The following DENND1B variants were observed in gnomAD, a reference collection of about 807,000 sequenced individuals.
DENND1B encodes DENN domain-containing protein 1B.
In DENND1B, 59 loss-of-function variants were observed where a neutral mutation model predicts 90.1. That is an observed-to-expected ratio of 0.65 (90% CI 0.53 to 0.81). The LOEUF is 0.81. Among genes scored for constraint, DENND1B ranks in the 40% least tolerant of loss-of-function variants. The pLI is 0.00. For synonymous variants in DENND1B, 337 were observed against 324.6 expected (o/e 1.04, Z -0.41); for missense variants, 862 against 912.6 (o/e 0.94, Z 0.71).
intron 2 of DENND1B, among the ~76,000 whole-genome samples, chr1:197,755,939 C>A (rs1326622503): frequency 7.9e-5 from 12 of 152,212 alleles, no homozygotes; most frequent in East Asian, 1.9e-4. Flanking sequence ...ATTATGGGAG[C>A]AACAAGATGA....
chr1:197,559,192 A>T (rs1446350469), intron 15 of DENND1B, among the ~76,000 whole-genome samples: 1 of 151,978 alleles, frequency 6.6e-6, no homozygotes, highest in Non-Finnish European at 1.5e-5. Flanking sequence ...TTAGTGGTCT[A>T]GACACATGTT....
At chr1:197,779,090 G>A (rs541943322), upstream of DENND1B, among the ~76,000 whole-genome samples, 13 of 152,180 alleles carry the variant, frequency 8.5e-5, 1 homozygote, top group South Asian at 2.5e-3. Flanking sequence ...TTTCATTTTA[G>A]ATCTTCTGTG....
intron 3 of DENND1B, chr1:197,688,876 TA>T (rs901810971): frequency 4.7e-6 from 1 of 214,146 alleles, no homozygotes; most frequent in South Asian, 8.5e-5. Context: ...AAAGAACCAT[TA>T]AAAAATGTGA....
At chr1:197,545,276 G>A (rs1411665802) in intron 18 of DENND1B, among the ~76,000 whole-genome samples, 4 of 151,984 alleles carry the variant, frequency 2.6e-5, no homozygotes, top group African/African-American at 9.7e-5. Flanking sequence ...ATGGTGGTGG[G>A]TGCCTGTAAT....
At chr1:197,768,901 C>A (rs1656060566) in intron 2 of DENND1B, among the ~76,000 whole-genome samples, 1 of 151,730 alleles carries the variant, frequency 6.6e-6, no homozygotes, top group Non-Finnish European at 1.5e-5. Context: ...TGAAACAAGT[C>A]CAAATAGCAG....
At chr1:197,560,459 G>A (rs1276373417) in intron 15 of DENND1B, among the ~76,000 whole-genome samples, 3 of 151,922 alleles carry the variant, frequency 2.0e-5, no homozygotes, top group Non-Finnish European at 4.4e-5. Flanking sequence ...CCTAAGGGAA[G>A]TTAGGAAATC....
chr1:197,553,492 G>A (rs1220222360), intron 15 of DENND1B, among the ~76,000 whole-genome samples: 2 of 152,078 alleles, frequency 1.3e-5, no homozygotes, highest in African/African-American at 4.8e-5. Flanking sequence ...ATTTACCCAT[G>A]GGGCTCTGTC....
rs550476536 is a variant in DENND1B at position 197,714,975 on chromosome 1, A to G, written c.126+56T>C. 3.2e-4 allele frequency: 407 copies of G among 1,286,706 alleles called. No individual in the cohort carries two copies. In the African/African-American group the frequency reaches 4.8e-3, roughly 15 times the overall value. 79.7% of individuals were successfully genotyped at this position (1,286,706 alleles called of 1,614,324 possible). A position where few individuals can be genotyped will look rare whatever the true frequency, so the allele number is the denominator to read the frequency against. Reference sequence around the variant, plus strand: ...TACTAGCAACAGCAGCAGTAATAGTAGCAACAATCATAATACTTCAACTTT... The same window carrying G: ...TACTAGCAACAGCAGCAGTAATAGTGGCAACAATCATAATACTTCAACTTT... On this transcript the variant is annotated intron_variant, in intron 3 of 22. Coordinates refer to ENST00000620048, the MANE Select transcript of DENND1B (RefSeq NM_001195215.2).
intron 2 of DENND1B, among the ~76,000 whole-genome samples, chr1:197,741,576 CA>C (rs1663217143): frequency 6.6e-6 from 1 of 152,038 alleles, no homozygotes; most frequent in African/African-American, 2.4e-5. Context: ...TAAAGTAACA[CA>C]AAAACATACC....
intron 3 of DENND1B, among the ~76,000 whole-genome samples, chr1:197,700,558 G>T (rs549241633): frequency 6.6e-6 from 1 of 152,214 alleles, no homozygotes; most frequent in African/African-American, 2.4e-5. Flanking sequence ...CATGGGCAAA[G>T]ACTTCATGAC....
intron 15 of DENND1B, among the ~76,000 whole-genome samples, chr1:197,559,298 T>C (rs866059644): frequency 6.3e-4 from 96 of 152,102 alleles, no homozygotes; most frequent in African/African-American, 2.2e-3. Context: ...TGATCTTTTT[T>C]AAATCCTTAT....
At chr1:197,755,162 A>G (rs532267601) in intron 2 of DENND1B, among the ~76,000 whole-genome samples, 56 of 152,296 alleles carry the variant, frequency 3.7e-4, no homozygotes, top group African/African-American at 1.3e-3. Flanking sequence ...GGTTTACTGG[A>G]AAAAGTGTGG....
At chr1:197,651,760 A>G (rs1382661911) in intron 7 of DENND1B, among the ~76,000 whole-genome samples, 2 of 136,872 alleles carry the variant, frequency 1.5e-5, no homozygotes, top group Non-Finnish European at 3.0e-5. Context: ...GGTTCACGCC[A>G]TTCTCCTGCC....
intron 2 of DENND1B, among the ~76,000 whole-genome samples, chr1:197,745,990 A>C (rs1663706993): frequency 6.6e-6 from 1 of 152,220 alleles, no homozygotes; most frequent in African/African-American, 2.4e-5. Flanking sequence ...GTCATTTGTA[A>C]AGACAGTGTC....
chr1:197,686,131 G>A (rs926298997), intron 3 of DENND1B, among the ~76,000 whole-genome samples: 1 of 152,070 alleles, frequency 6.6e-6, no homozygotes, highest in African/African-American at 2.4e-5. Context: ...AATTTCCTAA[G>A]TCTCTTACAG....
chr1:197,618,960 T>C (rs1036108503), intron 10 of DENND1B, among the ~76,000 whole-genome samples: 3 of 151,228 alleles, frequency 2.0e-5, no homozygotes, highest in Non-Finnish European at 4.4e-5. Flanking sequence ...ATCCATTACA[T>C]AAAGTAAATT....
Position 197,509,371 on chromosome 1 carries a change from T to C in DENND1B, c.*1089A>G, listed in dbSNP as rs139655396. On this transcript the variant is annotated 3_prime_UTR_variant, in exon 23 of 23. Coordinates refer to ENST00000620048, the MANE Select transcript of DENND1B (RefSeq NM_001195215.2). Reference sequence around the variant, plus strand: ...TGGTATTCTGAATAGGATCTTGATGTGGAAAATGGATATTAGGAGAAAACT... The same window carrying C: ...TGGTATTCTGAATAGGATCTTGATGCGGAAAATGGATATTAGGAGAAAACT... The C allele has an allele frequency of 6.6e-6, 1 of 151,828 alleles. No homozygotes were observed. Among genetic ancestry groups the C allele is most frequent in the East Asian group, 2.0e-4 (1 of 5,128 alleles). 9.4% of individuals were successfully genotyped at this position (151,828 alleles called of 1,614,324 possible).
Position 197,624,044 on chromosome 1 carries a change from C to A in DENND1B, c.673-6285G>T, listed in dbSNP as rs533645163. Reference sequence around the variant, plus strand: ...ATTACAATCCCAATCAAAATCCCAGCAAGTTTTCTTGTGGAAAACAAGAAG... The same window carrying A: ...ATTACAATCCCAATCAAAATCCCAGAAAGTTTTCTTGTGGAAAACAAGAAG... On this transcript the variant is annotated intron_variant, in intron 10 of 22. Coordinates refer to ENST00000620048, the MANE Select transcript of DENND1B (RefSeq NM_001195215.2). 4.6e-5 allele frequency among the ~76,000 whole-genome samples: 7 copies of A among 151,600 alleles called. No homozygotes were observed. The South Asian group carries it at 8.3e-4, about 18-fold the overall frequency.
chr1:197,572,820 G>A (rs1428949154), intron 15 of DENND1B, among the ~76,000 whole-genome samples: 1 of 152,176 alleles, frequency 6.6e-6, no homozygotes, highest in Non-Finnish European at 1.5e-5. Flanking sequence ...ACCTGCAGCT[G>A]AGGGACCTGA....
Sources: allele counts gnomAD v4.1 joint callset (sites outside exome capture counted in the v4.1 genomes callset), GRCh38; gene constraint gnomAD v4.1.1; transcripts MANE v1.5; gene names NCBI Gene and HGNC (gene_info 2026-07-23, HGNC 2026-07-21).